SEC63: variants seen among roughly 807,000 people sequenced by gnomAD.
SEC63 encodes translocation protein SEC63 homolog.
SEC63 carries 56 observed loss-of-function variants against 116.2 expected under a neutral mutation model. The ratio of observed to expected loss-of-function variants is 0.48; its 90% confidence interval spans 0.39 to 0.60. The LOEUF is 0.60. SEC63 is among the 20% of genes least tolerant of loss of function. SEC63 has a pLI of 0.00. For missense variants in SEC63, 668 were observed against 900.0 expected (o/e 0.74, Z 3.30); for synonymous variants, 273 against 294.6 (o/e 0.93, Z 0.75).
chr6:107,947,895 C>G (rs1770508347), intron 1 of SEC63, among the ~76,000 whole-genome samples: 1 of 152,134 alleles, frequency 6.6e-6, no homozygotes, highest in Non-Finnish European at 1.5e-5. Flanking sequence ...CAATATTCCA[C>G]AAAAGCCAAA....
chr6:107,938,999 A>G (rs1180838807), intron 1 of SEC63, among the ~76,000 whole-genome samples: 1 of 152,232 alleles, frequency 6.6e-6, no homozygotes, highest in Admixed American at 6.5e-5. Context: ...GAATATTACA[A>G]TGGCCGGGCA....
At chr6:107,896,282 G>A (rs923220144) in intron 14 of SEC63, among the ~76,000 whole-genome samples, 10 of 152,142 alleles carry the variant, frequency 6.6e-5, no homozygotes, top group Non-Finnish European at 1.0e-4. Context: ...TGGCCAACAC[G>A]GTGAAACCCC....
At chr6:107,919,192 T>G (rs1302175916) in intron 4 of SEC63, among the ~76,000 whole-genome samples, 1 of 152,110 alleles carries the variant, frequency 6.6e-6, no homozygotes, top group Non-Finnish European at 1.5e-5. Flanking sequence ...ATTACAGGCA[T>G]GAGCTACCGC....
chr6:107,940,590 C>A (rs1770354116), intron 1 of SEC63, among the ~76,000 whole-genome samples: 1 of 149,650 alleles, frequency 6.7e-6, no homozygotes, highest in African/African-American at 2.4e-5. Context: ...CTCTGGGACA[C>A]AAAATTGCCC....
At chr6:107,935,444 T>C (rs1481090797) in intron 1 of SEC63, among the ~76,000 whole-genome samples, 1 of 151,216 alleles carries the variant, frequency 6.6e-6, no homozygotes, top group Admixed American at 6.6e-5. Context: ...TGTTCTGTAC[T>C]AAGAAAAATT....
intron 20 of SEC63, 122 bp downstream of exon 20, chr6:107,872,686 T>C: frequency 1.5e-6 from 1 of 671,948 alleles, no homozygotes; most frequent in East Asian, 2.8e-5. Context: ...ATATCATATA[T>C]AAAGCATGAG....
At chr6:107,877,292 G>A (rs1420399861) in intron 18 of SEC63, 2 of 152,004 alleles carry the variant, frequency 1.3e-5, no homozygotes, top group African/African-American at 4.8e-5. Flanking sequence ...AAAGAAAAAT[G>A]TTTTACAGCT....
intron 1 of SEC63, among the ~76,000 whole-genome samples, chr6:107,954,917 A>C (rs1289641425): frequency 6.6e-6 from 1 of 152,262 alleles, no homozygotes; most frequent in Admixed American, 6.5e-5. Context: ...TTAAGTATTC[A>C]CCTTAATTTT....
At chr6:107,951,969 T>A (rs1770588260) in intron 1 of SEC63, among the ~76,000 whole-genome samples, 1 of 131,440 alleles carries the variant, frequency 7.6e-6, no homozygotes, top group Non-Finnish European at 1.5e-5. Context: ...CGAGACTCCA[T>A]CTCAAAAAAA....
At chr6:107,913,214 T>C in intron 5 of SEC63, 152 bp downstream of exon 5, 1 of 632,480 alleles carries the variant, frequency 1.6e-6, no homozygotes, top group South Asian at 2.0e-5. Context: ...GAAAGAAAAA[T>C]AAAGCAAAAA....
chr6:107,899,248 C>T (rs979092386), intron 13 of SEC63, among the ~76,000 whole-genome samples: 2 of 152,304 alleles, frequency 1.3e-5, no homozygotes, highest in East Asian at 3.9e-4. Context: ...ACTCCTCCTT[C>T]ACCAACTATA....
intron 1 of SEC63, among the ~76,000 whole-genome samples, chr6:107,931,534 G>A (rs558922392): frequency 1.3e-5 from 2 of 151,482 alleles, no homozygotes; most frequent in South Asian, 2.1e-4. Context: ...CAGATCATGA[G>A]GTCAGGAGAT....
Position 107,893,908 on chromosome 6 carries a change from G to A in SEC63, c.1441-11C>T, listed in dbSNP as rs747883470. On this transcript the variant is annotated splice_polypyrimidine_tract_variant and intron_variant, in intron 14 of 20. Coordinates refer to ENST00000369002, the MANE Select transcript of SEC63 (RefSeq NM_007214.5). ...CTTTTCAAATACTTCCTGGGGGGCG[G>A]CAAGAAGAGAAATACAAAATCTGTC... 22 of 1,613,212 alleles carry A rather than the reference G, an allele frequency of 1.4e-5. No homozygotes were observed. Among genetic ancestry groups the A allele is most frequent in the Non-Finnish European group, 1.9e-5 (22 of 1,179,568 alleles).
intron 1 of SEC63, among the ~76,000 whole-genome samples, chr6:107,937,139 T>TTTTG (rs1770266535): frequency 1.3e-5 from 2 of 151,040 alleles, no homozygotes; most frequent in Non-Finnish European, 3.0e-5. Context: ...TTTTTTTTTT[T>TTTTG]GAGACAGAGT....
intron 4 of SEC63, among the ~76,000 whole-genome samples, chr6:107,916,910 C>T (rs1277855365): frequency 6.6e-6 from 1 of 152,214 alleles, no homozygotes; most frequent in Admixed American, 6.5e-5. Context: ...GGGCAAATTA[C>T]TAACCCTAAA....
chr6:107,909,076 A>G (rs745835390), intron 7 of SEC63, 41 bp from the exon 8 acceptor site: 1 of 1,376,530 alleles, frequency 7.3e-7, no homozygotes, highest in Non-Finnish European at 1.0e-6. Context: ...AAAGTATAAA[A>G]ACTACGATAG....
Position 107,876,535 on chromosome 6 carries a change from A to T in SEC63, c.2034+29T>A, listed in dbSNP as rs1280914476. The T allele has an allele frequency of 3.0e-6, 4 of 1,322,628 alleles. No individual in the cohort carries two copies. In the South Asian group the frequency reaches 4.7e-5, roughly 16 times the overall value. The allele number at this position is 1,322,628 out of a possible 1,614,324, so 81.9% of individuals were successfully genotyped here. A position where few individuals can be genotyped will look rare whatever the true frequency, so the allele number is the denominator to read the frequency against. ...GATGGTGACAGCTGTGCCTTGTTAA[A>T]CACTGAAATCATGTTGCTTGATAGT... On this transcript the variant is annotated intron_variant, in intron 19 of 20. Transcript: ENST00000369002.
intron 16 of SEC63, among the ~76,000 whole-genome samples, chr6:107,893,057 G>A (rs756421648): frequency 3.3e-5 from 5 of 150,066 alleles, no homozygotes; most frequent in Non-Finnish European, 7.4e-5. Flanking sequence ...TCCAAACGTC[G>A]AACCACCACA....
rs189377413 is a variant in SEC63 at position 107,873,296 on chromosome 6, C to T, written c.2035-384G>A. ...TTCACTAGATAGGAGATACTTCCTG[C>T]CAAATTTTCTTATTTCTAGAATAAA... On this transcript the variant is annotated intron_variant, in intron 19 of 20. Coordinates refer to ENST00000369002, the MANE Select transcript of SEC63 (RefSeq NM_007214.5). 1.8e-3 allele frequency among the ~76,000 whole-genome samples: 281 copies of T among 152,146 alleles called. 1 individual carries two copies. Among genetic ancestry groups the T allele is most frequent in the Non-Finnish European group, 2.8e-3 (193 of 67,962 alleles).
Sources: gnomAD v4.1 joint callset for allele counts (sites outside exome capture counted in the v4.1 genomes callset) on GRCh38, gnomAD v4.1.1 for gene constraint, MANE v1.5 for transcripts, NCBI Gene and HGNC (gene_info 2026-07-23, HGNC 2026-07-21) for gene names.